Variants in NTN1 observed in about 807,000 individuals in gnomAD.
NTN1 encodes netrin 1, also known as netrin-1.
A neutral mutation model predicts 54.2 loss-of-function variants in NTN1; 11 were observed. The observed-to-expected ratio is 0.20, with a 90% CI of 0.13 to 0.34. The LOEUF is 0.34. Ranked by LOEUF, NTN1 falls within the 10% of genes least tolerant of loss-of-function variation. The probability of loss-of-function intolerance (pLI) is 1.00; values close to 1 mark genes in which losing one functional copy is unlikely to be tolerated. For missense variants in NTN1, 740 were observed against 893.1 expected, an observed-to-expected ratio of 0.83 and a Z score of 2.18; for synonymous variants, 371 against 382.0, an observed-to-expected ratio of 0.97 and a Z score of 0.33.
At chr17:9,195,192 A>ACCGCCCCCCCCCCCCCCCCCCC (rs3031881) in intron 5 of NTN1, among the ~76,000 whole-genome samples, 18 of 142,378 alleles carry the variant, frequency 1.3e-4, no homozygotes, top group East Asian at 2.2e-4. Context: ...GGCGAGCTCT[A>ACCGCCCCCCCCCCCCCCCCCCC]CCACCCCTCC....
intron 5 of NTN1, among the ~76,000 whole-genome samples, chr17:9,210,428 A>C (rs910898647): frequency 1.1e-3 from 92 of 83,450 alleles, no homozygotes; most frequent in Non-Finnish European, 2.0e-3. Flanking sequence ...GTGCACACAC[A>C]CACACACCCC....
intron 5 of NTN1, among the ~76,000 whole-genome samples, chr17:9,200,542 C>T (rs753289854): frequency 3.9e-5 from 6 of 152,160 alleles, no homozygotes; most frequent in African/African-American, 1.4e-4. Context: ...TAAATCCTTC[C>T]CTTGACCTCA....
chr17:9,093,420 T>C (rs2092120008), intron 2 of NTN1, among the ~76,000 whole-genome samples: 1 of 152,198 alleles, frequency 6.6e-6, no homozygotes, highest in African/African-American at 2.4e-5. Context: ...TGGAGTGCAG[T>C]GGCACGATCA....
In NTN1 at chr17:9,043,737, C is replaced by T. The variant is rs1373537113; in HGVS notation, c.1018+20346C>T. On this transcript the variant is annotated intron_variant, in intron 2 of 6. Transcript: ENST00000173229. The stretch of plus-strand genomic sequence containing the variant: ...CTGGGATTACAGGCATGTGTCACCA[C>T]GCCTGGCTAATTTTGTGTTTTTAGT... Among the ~76,000 whole-genome samples the T allele has an allele frequency of 2.6e-5, 4 of 151,962 alleles. No homozygotes were observed. In the East Asian group the frequency reaches 7.7e-4, roughly 29 times the overall value.
chr17:9,144,368 C>A (rs1300972845), intron 2 of NTN1, among the ~76,000 whole-genome samples: 1 of 152,070 alleles, frequency 6.6e-6, no homozygotes, highest in African/African-American at 2.4e-5. Flanking sequence ...CTGTTGACAG[C>A]TGGGCACCAT....
intron 3 of NTN1, among the ~76,000 whole-genome samples, chr17:9,164,116 G>A (rs1256948723): frequency 6.6e-6 from 1 of 152,286 alleles, no homozygotes; most frequent in Non-Finnish European, 1.5e-5. Context: ...GGGCACTTGT[G>A]TGCAGGACTG....
intron 2 of NTN1, among the ~76,000 whole-genome samples, chr17:9,156,434 C>G (rs1431942383): frequency 3.3e-5 from 5 of 152,132 alleles, no homozygotes; most frequent in African/African-American, 1.2e-4. Flanking sequence ...TGAGAAGCCC[C>G]TGGGCCATGT....
intron 2 of NTN1, among the ~76,000 whole-genome samples, chr17:9,057,424 G>A (rs1053759456): frequency 1.2e-4 from 18 of 152,016 alleles, no homozygotes; most frequent in African/African-American, 4.1e-4. Context: ...GTGATTGCCC[G>A]GGCTTATCAC....
At chr17:9,054,773 C>T (rs546765852) in intron 2 of NTN1, among the ~76,000 whole-genome samples, 1 of 134,466 alleles carries the variant, frequency 7.4e-6, no homozygotes, top group Non-Finnish European at 1.6e-5. Flanking sequence ...AGCCGGAGTC[C>T]GTCCATCAGG....
chr17:9,073,051 T>TG (rs1395477266), intron 2 of NTN1, among the ~76,000 whole-genome samples: 1 of 151,650 alleles, frequency 6.6e-6, no homozygotes. Flanking sequence ...GAGAAAGGGG[T>TG]GGGGGGACCG....
At chr17:9,057,755 G>C (rs1195948301) in intron 2 of NTN1, among the ~76,000 whole-genome samples, 1 of 152,160 alleles carries the variant, frequency 6.6e-6, no homozygotes, top group East Asian at 1.9e-4. Context: ...ATGACACGTG[G>C]CTCCTTTAAG....
intron 2 of NTN1, among the ~76,000 whole-genome samples, chr17:9,042,824 TC>T (rs934615183): frequency 6.6e-6 from 1 of 152,070 alleles, no homozygotes. Flanking sequence ...TGACCTTTTG[TC>T]ACTTTATATT....
chr17:9,027,632 G>A (rs1330211798), intron 2 of NTN1, among the ~76,000 whole-genome samples: 1 of 152,086 alleles, frequency 6.6e-6, no homozygotes, highest in African/African-American at 2.4e-5. Context: ...CCCTGGTTGT[G>A]TTGCATTATG....
chr17:9,023,144 C>T lies in NTN1; in HGVS notation c.771C>T (p.Phe257=), dbSNP rs745820812. Residue 257 remains phenylalanine (F), a synonymous_variant, in exon 2 of 7, where the codon TTC becomes TTT. Coordinates refer to ENST00000173229, the MANE Select transcript of NTN1 (RefSeq NM_004822.3). ...IRVAFSRLHT[F]GDENEDDSEL... is the part of the protein sequence containing the mutation. ...TGGCCTTCAGCCGCCTGCACACGTT[C>T]GGCGACGAGAACGAGGACGACTCGG... The T allele has an allele frequency of 9.3e-5, 145 of 1,564,122 alleles. No individual in the cohort carries two copies. The highest frequency in any genetic ancestry group is 3.7e-4 in the Admixed American group (20 of 53,710).
intron 3 of NTN1, among the ~76,000 whole-genome samples, chr17:9,178,180 A>G (rs2092406368): frequency 6.6e-6 from 1 of 152,308 alleles, no homozygotes; most frequent in Admixed American, 6.5e-5. Flanking sequence ...CTGGGCAACA[A>G]GAGTGAAATC....
chr17:9,061,103 G>C (rs1186729962), intron 2 of NTN1, among the ~76,000 whole-genome samples: 1 of 152,088 alleles, frequency 6.6e-6, no homozygotes, highest in Non-Finnish European at 1.5e-5. Context: ...GCTTTGCACA[G>C]GGGAAAGATC....
intron 1 of NTN1, among the ~76,000 whole-genome samples, chr17:9,021,820 C>G (rs1468140853): frequency 2.6e-5 from 4 of 152,176 alleles, no homozygotes; most frequent in Middle Eastern, 3.4e-3. Context: ...GGCGCGCGGG[C>G]TCCCCGGAGG....
At chr17:9,094,718 C>T (rs748010554) in intron 2 of NTN1, among the ~76,000 whole-genome samples, 2 of 151,950 alleles carry the variant, frequency 1.3e-5, no homozygotes, top group Non-Finnish European at 2.9e-5. Context: ...AAGCCAGGTG[C>T]GGTGGCTCAC....
chr17:9,128,934 T>G (rs2092255313), intron 2 of NTN1, among the ~76,000 whole-genome samples: 1 of 152,168 alleles, frequency 6.6e-6, no homozygotes, highest in Non-Finnish European at 1.5e-5. Context: ...AGAGCATTTT[T>G]AAAATGAACC....
Sources: allele counts gnomAD v4.1 joint callset (sites outside exome capture counted in the v4.1 genomes callset), GRCh38; gene constraint gnomAD v4.1.1; transcripts MANE v1.5; gene names NCBI Gene and HGNC (gene_info 2026-07-23, HGNC 2026-07-21).